Variants in IFT122 observed in about 807,000 individuals in gnomAD.
IFT122 encodes intraflagellar transport protein 122 homolog.
In IFT122, 118 loss-of-function variants were observed where a neutral mutation model predicts 161.6. The observed-to-expected ratio is 0.73, with a 90% CI of 0.63 to 0.85. The LOEUF (loss-of-function observed/expected upper bound fraction) is 0.85. IFT122 is among the 40% of genes least tolerant of loss of function. The probability of loss-of-function intolerance (pLI) is 0.00; values close to 1 mark genes in which losing one functional copy is unlikely to be tolerated. For missense variants in IFT122, 1,381 were observed against 1,579.6 expected, an observed-to-expected ratio of 0.87 and a Z score of 2.13; for synonymous variants, 550 against 602.4, an observed-to-expected ratio of 0.91 and a Z score of 1.27.
intron 25 of IFT122, 134 bp from the exon 26 acceptor site, chr3:129,515,354 C>T (rs960117036): frequency 3.9e-5 from 29 of 742,950 alleles, no homozygotes; most frequent in African/African-American, 1.9e-4. Flanking sequence ...CTGGGCCCGG[C>T]GCCCCTTCCC....
intron 3 of IFT122, chr3:129,455,984 A>C (rs1433327775): frequency 5.4e-6 from 2 of 372,174 alleles, no homozygotes; most frequent in African/African-American, 4.2e-5. Context: ...TTCACATGTA[A>C]AAGTGGACTC....
At chr3:129,466,388 C>G (rs529859878) in intron 7 of IFT122, among the ~76,000 whole-genome samples, 3 of 151,948 alleles carry the variant, frequency 2.0e-5, no homozygotes, top group East Asian at 3.9e-4. Context: ...GACTTGGTGG[C>G]TCTAGGCTAC....
chr3:129,461,280 G>T lies in IFT122; in HGVS notation c.325G>T (p.Ala109Ser). The change falls in exon 5 of 30, where the codon GCA becomes TCA. Residue 109 changes from alanine to serine, a missense_variant. By Grantham distance (99) the Ala-to-Ser change is moderately conservative. Transcript: ENST00000348417. ...CTACAATCCTATTACTCATCAACTG[G>T]CATCTTGTTCCTCCAGTGACTTTGG... is the stretch of plus-strand genomic sequence containing the variant. ...VSYNPITHQL[A>S]SCSSSDFGLW... 2.5e-6 allele frequency: 4 copies of T among 1,613,430 alleles called. No individual in the cohort carries two copies. The highest frequency in any genetic ancestry group is 3.4e-6 in the Non-Finnish European group (4 of 1,179,364).
intron 1 of IFT122, among the ~76,000 whole-genome samples, chr3:129,443,917 C>G (rs1343746009): frequency 6.6e-6 from 1 of 152,122 alleles, no homozygotes. Flanking sequence ...ATAATTCAAC[C>G]CAAAATGACC....
chr3:129,449,685 T>C (rs1219770718), intron 1 of IFT122, among the ~76,000 whole-genome samples, 186 bp from the exon 2 acceptor site: 1 of 152,252 alleles, frequency 6.6e-6, no homozygotes. Flanking sequence ...GAGTGGATCA[T>C]GATTGAATGG....
At position 129,505,583 on chromosome 3, in the gene IFT122, G is replaced by A. The variant is rs973186084; in HGVS notation, c.2651-826G>A. ...CAGACAAGAGGTTGTAGATGAGAAC[G>A]GAACAAAGGCCAGACCTTCTCCTTC... is the stretch of plus-strand genomic sequence containing the variant. On this transcript the variant is annotated intron_variant, in intron 21 of 29. Coordinates refer to ENST00000348417, the MANE Select transcript of IFT122 (RefSeq NM_052989.3). Among the ~76,000 whole-genome samples, 5 of 152,166 alleles carry A rather than the reference G, an allele frequency of 3.3e-5. No individual in the cohort carries two copies. In the East Asian group the frequency reaches 5.8e-4, roughly 18 times the overall value.
In IFT122 at chr3:129,520,496, C is replaced by CT. The variant is rs761100826; in HGVS notation, c.*232dup. ...ACATATATTTTCTAAGGAAAAAAAT[C>CT]TGTTACTTTCAGAACGGCTCCGAGT... On this transcript the variant is annotated 3_prime_UTR_variant, in exon 30 of 30. Transcript: ENST00000348417. 6.6e-6 allele frequency: 4 copies of CT among 606,602 alleles called. No homozygotes were observed. Among genetic ancestry groups the CT allele is most frequent in the Non-Finnish European group, 1.2e-5 (4 of 337,180 alleles). 37.6% of individuals were successfully genotyped at this position (606,602 alleles called of 1,614,324 possible).
intron 22 of IFT122, among the ~76,000 whole-genome samples, chr3:129,507,005 G>T (rs2082257533): frequency 6.6e-6 from 1 of 152,212 alleles, no homozygotes; most frequent in Admixed American, 6.5e-5. Flanking sequence ...GGAAGTGGAA[G>T]AGACAAGGAG....
chr3:129,510,763 C>T (rs1433018001), intron 23 of IFT122, among the ~76,000 whole-genome samples: 2 of 152,148 alleles, frequency 1.3e-5, no homozygotes, highest in Non-Finnish European at 2.9e-5. Flanking sequence ...GGCTCTTATC[C>T]CAGCTGAATC....
intron 4 of IFT122, among the ~76,000 whole-genome samples, chr3:129,460,663 C>T (rs920212919): frequency 6.6e-6 from 1 of 152,122 alleles, no homozygotes; most frequent in African/African-American, 2.4e-5. Flanking sequence ...TGCTTCTTAG[C>T]TATTATGAAT....
intron 23 of IFT122, among the ~76,000 whole-genome samples, chr3:129,510,358 T>C (rs2082685017): frequency 6.6e-6 from 1 of 152,220 alleles, no homozygotes; most frequent in Non-Finnish European, 1.5e-5. Flanking sequence ...CCTGACAGGC[T>C]CTGTGCATGC....
intron 29 of IFT122, among the ~76,000 whole-genome samples, 159 bp downstream of exon 29, chr3:129,519,891 G>A (rs974870375): frequency 1.3e-5 from 2 of 152,124 alleles, no homozygotes; most frequent in African/African-American, 4.8e-5. Flanking sequence ...TGCATTCCAT[G>A]TGCATCTAAA....
intron 5 of IFT122, chr3:129,463,247 GCCATC>G: frequency 3.3e-6 from 1 of 300,958 alleles, no homozygotes; most frequent in South Asian, 3.2e-5. Flanking sequence ...TGTGTAGATT[GCCATC>G]AGCGTGACAC....
At chr3:129,511,892 T>C (rs1376162782) in intron 23 of IFT122, among the ~76,000 whole-genome samples, 2 of 152,248 alleles carry the variant, frequency 1.3e-5, no homozygotes, top group Non-Finnish European at 2.9e-5. Flanking sequence ...CTAAGCTGCA[T>C]AGAAGGTCTT....
chr3:129,492,964 T>C (rs1453970811), intron 17 of IFT122, among the ~76,000 whole-genome samples: 1 of 151,932 alleles, frequency 6.6e-6, no homozygotes, highest in South Asian at 2.1e-4. Flanking sequence ...ACCACATGCA[T>C]GTGCCACCCC....
intron 20 of IFT122, chr3:129,503,904 G>C (rs2108557420): frequency 3.0e-6 from 1 of 332,596 alleles, no homozygotes; most frequent in African/African-American, 2.2e-5. Context: ...GGTCCATACA[G>C]CACGAAGCCC....
intron 1 of IFT122, 46 bp downstream of exon 1, chr3:129,440,417 C>T (rs879128996): frequency 1.3e-6 from 2 of 1,533,240 alleles, no homozygotes; most frequent in African/African-American, 1.4e-5. Context: ...CGAGTCCTCG[C>T]GGGGAGTGCG....
intron 11 of IFT122, 66 bp downstream of exon 11, chr3:129,476,867 G>A: frequency 6.3e-7 from 1 of 1,599,706 alleles, no homozygotes; most frequent in Non-Finnish European, 8.6e-7. Flanking sequence ...GCTGGTGACA[G>A]GGCACTTGAA....
chr3:129,510,622 T>C (rs1421774980), intron 23 of IFT122, among the ~76,000 whole-genome samples: 1 of 152,142 alleles, frequency 6.6e-6, no homozygotes, highest in Non-Finnish European at 1.5e-5. Flanking sequence ...CTCAGACTTT[T>C]CTCTCGCTGC....
Sources: gnomAD v4.1 joint callset for allele counts (sites outside exome capture counted in the v4.1 genomes callset) on GRCh38, gnomAD v4.1.1 for gene constraint, MANE v1.5 for transcripts, NCBI Gene and HGNC (gene_info 2026-07-23, HGNC 2026-07-21) for gene names.